PINK1: variants seen among roughly 807,000 people sequenced by gnomAD.
PINK1 encodes the protein serine/threonine-protein kinase PINK1, mitochondrial.
Under a neutral mutation model 56.0 loss-of-function variants are expected in PINK1, and 58 were observed. The observed-to-expected ratio is 1.04, with a 90% CI of 0.84 to 1.29. The LOEUF is 1.29. Ranked by LOEUF, PINK1 falls within the 50% of genes most tolerant of loss-of-function variation. The pLI is 0.00. For missense variants in PINK1, 745 were observed against 777.9 expected (o/e 0.96, Z 0.50); for synonymous variants, 354 against 339.3 (o/e 1.04, Z -0.48).
At chr1:20,645,453 C>T in intron 4 of PINK1, 107 bp from the exon 5 acceptor site, 3 of 1,280,862 alleles carry the variant, frequency 2.3e-6, no homozygotes, top group Non-Finnish European at 3.3e-6. Flanking sequence ...CGTGCTACTG[C>T]ACTCCAGCTT....
At chr1:20,633,991 G>C in intron 1 of PINK1, 56 bp downstream of exon 1, 4 of 1,519,826 alleles carry the variant, frequency 2.6e-6, no homozygotes, top group Non-Finnish European at 3.5e-6. Context: ...GCGGGGGCGG[G>C]TCCTCAGCTG....
intron 1 of PINK1, among the ~76,000 whole-genome samples, chr1:20,634,913 G>A (rs1228818710): frequency 1.3e-5 from 2 of 152,202 alleles, no homozygotes; most frequent in African/African-American, 4.8e-5. Flanking sequence ...TGGGTTTCCT[G>A]GTTTCCATCC....
rs116769943 is a variant in PINK1 at position 20,649,574 on chromosome 1, G to A, written c.1488+343G>A. ...GGGACCAGGAGTTCCAGTCCAGCCT[G>A]GCCAACATGGTAAAACCCCGTCTGT... On this transcript the variant is annotated intron_variant, in intron 7 of 7. Transcript: ENST00000321556. 3.6e-3 allele frequency: 1,077 copies of A among 298,560 alleles called. 15 individuals carry two copies. The highest frequency in any genetic ancestry group is 0.021 in the African/African-American group (986 of 46,568). 18.5% of individuals were successfully genotyped at this position (298,560 alleles called of 1,614,324 possible). A position where few individuals can be genotyped will look rare whatever the true frequency, so the allele number is the denominator to read the frequency against.
At chr1:20,646,938 G>A (rs2053189513) in intron 5 of PINK1, among the ~76,000 whole-genome samples, 1 of 151,862 alleles carries the variant, frequency 6.6e-6, no homozygotes, top group Non-Finnish European at 1.5e-5. Flanking sequence ...GGAGTGCAGT[G>A]GCGCCATCTC....
At chr1:20,648,705 G>A in intron 6 of PINK1, 73 bp downstream of exon 6, 1 of 1,592,298 alleles carries the variant, frequency 6.3e-7, no homozygotes, top group Non-Finnish European at 8.5e-7. Flanking sequence ...GAGACTCGAT[G>A]CCTTGTGATA....
At position 20,645,571 on chromosome 1, in the gene PINK1, C is replaced by T. The variant is rs2154533870; in HGVS notation, c.971C>T (p.Thr324Ile). The change falls in exon 5 of 8, where the codon ACC becomes ATC. Residue 324 changes from threonine (T) to isoleucine (I), a missense_variant. Thr to Ile is a moderately conservative substitution (Grantham distance 89). Coordinates refer to ENST00000321556, the MANE Select transcript of PINK1 (RefSeq NM_032409.3). ...CCCCTCTCCGCCAGCTATCCCTGTA[C>T]CCTGCGCCAGTACCTTTGTGTGAAC... is the stretch of plus-strand genomic sequence containing the variant. The part of the protein sequence containing the change: ...LFLVMKNYPC[T>I]LRQYLCVNTP... 2.5e-6 allele frequency: 4 copies of T among 1,613,534 alleles called. No homozygotes were observed. Among genetic ancestry groups the T allele is most frequent in the East Asian group, 4.5e-5 (2 of 44,870 alleles).
chr1:20,648,425 T>A (rs1168606489), intron 5 of PINK1, 80 bp from the exon 6 acceptor site: 8 of 1,592,166 alleles, frequency 5.0e-6, no homozygotes, highest in Non-Finnish European at 6.8e-6. Flanking sequence ...GTCTTGCTGG[T>A]GGCTTTAGTA....
intron 1 of PINK1, among the ~76,000 whole-genome samples, chr1:20,636,156 A>G (rs1055183317): frequency 1.3e-5 from 2 of 151,712 alleles, no homozygotes; most frequent in Non-Finnish European, 2.9e-5. Context: ...AACTAGCAGG[A>G]GTGTGCTAGT....
intron 7 of PINK1, 36 bp downstream of exon 7, chr1:20,649,267 G>A: frequency 1.2e-6 from 2 of 1,602,416 alleles, no homozygotes; most frequent in Non-Finnish European, 1.7e-6. Flanking sequence ...GACGGTGTGG[G>A]TAGAAACCTC....
chr1:20,648,899 C>T, intron 6 of PINK1, 96 bp from the exon 7 acceptor site: 1 of 1,428,802 alleles, frequency 7.0e-7, no homozygotes, highest in Non-Finnish European at 9.8e-7. Context: ...TTCCTTGGGA[C>T]AGAGTTCAGA....
chr1:20,640,081 C>A, intron 3 of PINK1, 89 bp downstream of exon 3: 1 of 1,056,772 alleles, frequency 9.5e-7, no homozygotes, highest in South Asian at 1.3e-5. Flanking sequence ...GGTACAGTGT[C>A]TGATATGACA....
At chr1:20,650,327 A>G in intron 7 of PINK1, 107 bp from the exon 8 acceptor site, 2 of 1,433,172 alleles carry the variant, frequency 1.4e-6, no homozygotes, top group South Asian at 2.4e-5. Flanking sequence ...GGGTAGAGGA[A>G]GAATTGGGTT....
intron 2 of PINK1, 32 bp from the exon 3 acceptor site, chr1:20,639,860 G>C (rs776563194): frequency 1.3e-6 from 2 of 1,593,956 alleles, no homozygotes; most frequent in Admixed American, 1.7e-5. Flanking sequence ...GCTCCGGCCT[G>C]TGTAACCCTG....
At chr1:20,647,472 T>TG (rs2053198079) in intron 5 of PINK1, among the ~76,000 whole-genome samples, 1 of 138,278 alleles carries the variant, frequency 7.2e-6, no homozygotes, top group Non-Finnish European at 1.6e-5. Flanking sequence ...TTGGCTTTTT[T>TG]TTTTTTTTTT....
intron 2 of PINK1, chr1:20,638,842 A>G (rs1184083078): frequency 1.3e-5 from 2 of 153,074 alleles, no homozygotes; most frequent in Admixed American, 1.3e-4. Context: ...TCCTTCCTGC[A>G]ACCTGCCTCA....
In PINK1 at chr1:20,633,818, G is replaced by A. The variant is rs1570397211; in HGVS notation, c.270G>A (p.Trp90Ter). 1.3e-6 allele frequency: 2 copies of A among 1,577,202 alleles called. No individual in the cohort carries two copies. The highest frequency in any genetic ancestry group is 1.8e-5 in the Admixed American group (1 of 55,552). The change falls in exon 1 of 8, where the codon TGG (tryptophan) becomes TGA (stop). Residue 90 changes from tryptophan to a stop codon, truncating the protein, a stop_gained. Transcript: ENST00000321556. LOFTEE classifies it high-confidence loss of function. ...AGCGGCAGTTCGTGGTGCGGGCCTG[G>A]GGCTGCGCGGGCCCTTGCGGCCGGG... ...RLQRQFVVRA[W>*]GCAGPCGRAV...
intron 4 of PINK1, 50 bp downstream of exon 4, chr1:20,644,722 G>A (rs1557564267): frequency 3.1e-6 from 5 of 1,603,940 alleles, no homozygotes; most frequent in East Asian, 2.2e-5. Flanking sequence ...TCTCCCAAGG[G>A]GAGCTGGTTC....
chr1:20,647,047 T>C (rs887214200), intron 5 of PINK1, among the ~76,000 whole-genome samples: 2 of 128,220 alleles, frequency 1.6e-5, no homozygotes, highest in African/African-American at 5.8e-5. Flanking sequence ...GCCTAGCTAA[T>C]TTTTGATTTT....
rs193299196 is a variant in PINK1 at position 20,651,236 on chromosome 1, G to A, written c.*545G>A. ...GATGAGCAGTAAGTAAGTAAGTGTG[G>A]GGATTTAAACTTGAGGGTTTCCCTC... On this transcript the variant is annotated 3_prime_UTR_variant, in exon 8 of 8. Transcript: ENST00000321556. 5.8e-6 allele frequency: 1 copy of A among 172,342 alleles called. No homozygotes were observed. Among genetic ancestry groups the A allele is most frequent in the East Asian group, 1.4e-4 (1 of 6,996 alleles). 10.7% of individuals were successfully genotyped at this position (172,342 alleles called of 1,614,324 possible).
Sources: allele counts gnomAD v4.1 joint callset (sites outside exome capture counted in the v4.1 genomes callset), GRCh38; gene constraint gnomAD v4.1.1; transcripts MANE v1.5; gene names NCBI Gene and HGNC (gene_info 2026-07-23, HGNC 2026-07-21).